The following CACNB2 variants were observed in gnomAD, a reference collection of about 807,000 sequenced individuals.
CACNB2 encodes the protein voltage-dependent L-type calcium channel subunit beta-2.
In CACNB2, 42 loss-of-function variants were observed where a neutral mutation model predicts 73.3. The ratio of observed to expected loss-of-function variants is 0.57; its 90% CI spans 0.45 to 0.74. The LOEUF (loss-of-function observed/expected upper bound fraction) is 0.74. Among genes scored for constraint, CACNB2 ranks in the 30% least tolerant of loss-of-function variants. The pLI, the probability that CACNB2 is intolerant of heterozygous loss-of-function variation, is 0.00. For synonymous variants in CACNB2, 348 were observed against 310.3 expected (o/e 1.12, Z -1.28); for missense variants, 940 against 853.0 (o/e 1.10, Z -1.27).
intron 2 of CACNB2, among the ~76,000 whole-genome samples, chr10:18,286,219 T>C (rs550721938): frequency 6.6e-6 from 1 of 152,242 alleles, no homozygotes; most frequent in East Asian, 1.9e-4. Context: ...GACTCTCCCA[T>C]TAACATTACT....
intron 3 of CACNB2, among the ~76,000 whole-genome samples, chr10:18,486,849 T>G (rs959969614): frequency 2.6e-5 from 4 of 151,916 alleles, no homozygotes; most frequent in Admixed American, 6.6e-5. Flanking sequence ...TTGTGTGGGG[T>G]AAATATGTGA....
chr10:18,159,323 C>T (rs956940563), intron 2 of CACNB2, among the ~76,000 whole-genome samples: 2 of 152,184 alleles, frequency 1.3e-5, no homozygotes, highest in Non-Finnish European at 2.9e-5. Context: ...GCGTTGCACA[C>T]TTGTGTCCTT....
At chr10:18,399,475 C>A (rs2043881101) in intron 2 of CACNB2, among the ~76,000 whole-genome samples, 1 of 152,084 alleles carries the variant, frequency 6.6e-6, no homozygotes, top group Admixed American at 6.6e-5. Context: ...TACGTATTTT[C>A]TAGTATTTGG....
chr10:18,455,418 A>G (rs1316499834), intron 3 of CACNB2, among the ~76,000 whole-genome samples: 1 of 152,230 alleles, frequency 6.6e-6, no homozygotes, highest in Non-Finnish European at 1.5e-5. Flanking sequence ...ATTCCTGGAG[A>G]TAAGAAAACA....
intron 4 of CACNB2, 33 bp downstream of exon 4, chr10:18,498,510 G>A (rs2133012030): frequency 6.2e-7 from 1 of 1,609,932 alleles, no homozygotes; most frequent in East Asian, 2.2e-5. Context: ...CTAACAGCAT[G>A]ATGTTTCACC....
chr10:18,169,296 T>C (rs969767372), intron 2 of CACNB2, among the ~76,000 whole-genome samples: 1 of 152,180 alleles, frequency 6.6e-6, no homozygotes, highest in African/African-American at 2.4e-5. Flanking sequence ...GTAATTCTTT[T>C]GTTCAGGAAA....
At chr10:18,420,273 G>A (rs2045247420) in intron 3 of CACNB2, among the ~76,000 whole-genome samples, 1 of 151,634 alleles carries the variant, frequency 6.6e-6, no homozygotes, top group Non-Finnish European at 1.5e-5. Flanking sequence ...TATTAGTCTG[G>A]GTTCTCCAGA....
intron 2 of CACNB2, among the ~76,000 whole-genome samples, chr10:18,207,292 A>T (rs1320808824): frequency 6.6e-6 from 1 of 151,910 alleles, no homozygotes; most frequent in Non-Finnish European, 1.5e-5. Flanking sequence ...TACAGGCATG[A>T]CCTCCCAAAA....
Position 18,466,226 on chromosome 10 carries a change from C to T in CACNB2, c.334-32129C>T, listed in dbSNP as rs923212791. 7.9e-5 allele frequency among the ~76,000 whole-genome samples: 12 copies of T among 152,104 alleles called. No individual in the cohort carries two copies. The East Asian group carries it at 2.3e-3, about 29-fold the overall frequency. On this transcript the variant is annotated intron_variant, in intron 3 of 13. Coordinates refer to ENST00000324631, the MANE Select transcript of CACNB2 (RefSeq NM_201596.3). ...ACTAAAGCTGGAGTTCGTCTTTTGC[C>T]TATTTAATCTATATATTTTTTATTT...
intron 1 of CACNB2, chr10:18,141,070 G>T: frequency 1.3e-6 from 2 of 1,547,866 alleles, no homozygotes. Context: ...CTCTGCTTCC[G>T]AAAAGCCAGT....
chr10:18,505,246 A>G (rs536493216), intron 5 of CACNB2, among the ~76,000 whole-genome samples: 3 of 127,582 alleles, frequency 2.4e-5, no homozygotes, highest in African/African-American at 1.0e-4. Context: ...AATACTTCAG[A>G]AAAAAAAAAA....
chr10:18,150,221 C>G (rs550572639), intron 1 of CACNB2, among the ~76,000 whole-genome samples: 1 of 152,138 alleles, frequency 6.6e-6, no homozygotes, highest in Non-Finnish European at 1.5e-5. Context: ...ATCCTATTAT[C>G]GAAACAAATC....
chr10:18,228,450 G>GAAAAAAAAAA (rs1275938431), intron 2 of CACNB2, among the ~76,000 whole-genome samples: 1 of 68,990 alleles, frequency 1.4e-5, no homozygotes, highest in African/African-American at 5.6e-5. Flanking sequence ...AAAAAAAAAA[G>GAAAAAAAAAA]AAAAAAAAAA....
At chr10:18,220,783 C>T (rs893190693) in intron 2 of CACNB2, among the ~76,000 whole-genome samples, 1 of 152,110 alleles carries the variant, frequency 6.6e-6, no homozygotes, top group African/African-American at 2.4e-5. Context: ...TGTCAGGGAT[C>T]CAGGTTGCGC....
At chr10:18,294,538 C>T (rs1200972521) in intron 2 of CACNB2, among the ~76,000 whole-genome samples, 1 of 152,156 alleles carries the variant, frequency 6.6e-6, no homozygotes, top group Admixed American at 6.5e-5. Flanking sequence ...CTAAGTAGTA[C>T]ATAAGATGGT....
Position 18,500,956 on chromosome 10 carries a change from A to T in CACNB2, c.593+8A>T. On this transcript the variant is annotated splice_region_variant and intron_variant, in intron 5 of 13. Transcript: ENST00000324631. ...AGGGAAATTCTACTCCAGGTATGAG[A>T]CAGATGTCAAGTGTTTGCATAAAAC... The T allele has an allele frequency of 6.2e-7, 1 of 1,613,598 alleles. No homozygotes were observed. Among genetic ancestry groups the T allele is most frequent in the Non-Finnish European group, 8.5e-7 (1 of 1,179,610 alleles).
chr10:18,233,255 C>A (rs760896779), intron 2 of CACNB2, among the ~76,000 whole-genome samples: 1 of 152,134 alleles, frequency 6.6e-6, no homozygotes, highest in Non-Finnish European at 1.5e-5. Context: ...AGGACACTGA[C>A]GTCACACAAG....
At chr10:18,241,761 T>C (rs1264145076) in intron 2 of CACNB2, among the ~76,000 whole-genome samples, 1 of 152,112 alleles carries the variant, frequency 6.6e-6, no homozygotes, top group Admixed American at 6.5e-5. Context: ...TATCTATATT[T>C]ACTGACCTTT....
chr10:18,273,129 G>A (rs1044471145), intron 2 of CACNB2, among the ~76,000 whole-genome samples: 12 of 152,306 alleles, frequency 7.9e-5, no homozygotes, highest in Middle Eastern at 6.8e-3. Context: ...TCAGTATTGG[G>A]AACTGTGGCT....
Sources: allele counts gnomAD v4.1 joint callset (sites outside exome capture counted in the v4.1 genomes callset), GRCh38; gene constraint gnomAD v4.1.1; transcripts MANE v1.5; gene names NCBI Gene and HGNC (gene_info 2026-07-23, HGNC 2026-07-21).